Variants in PLXNC1 observed in about 807,000 individuals in gnomAD.
PLXNC1 encodes the protein plexin-C1.
Under a neutral mutation model 178.2 loss-of-function variants are expected in PLXNC1, and 75 were observed. That is an observed-to-expected ratio of 0.42 (90% CI 0.35 to 0.51). The LOEUF is 0.51. Ranked by LOEUF, PLXNC1 falls within the 20% of genes least tolerant of loss-of-function variation. The pLI is 0.02. For missense variants in PLXNC1, 1,503 were observed against 1,984.4 expected, an observed-to-expected ratio of 0.76 and a Z score of 4.61; for synonymous variants, 790 against 779.9, an observed-to-expected ratio of 1.01 and a Z score of -0.22.
Position 94,240,680 on chromosome 12 carries a change from A to C in PLXNC1, c.2300+16A>C. The C allele has an allele frequency of 6.3e-7, 1 of 1,586,562 alleles. No homozygotes were observed. Among genetic ancestry groups the C allele is most frequent in the African/African-American group, 1.4e-5 (1 of 74,054 alleles). ...CCTGGATCAGGTACTTTCTAGATTC[A>C]TAATCTTTTTCTCATTGTGGTTAAA... On this transcript the variant is annotated intron_variant, in intron 11 of 30. Coordinates refer to ENST00000258526, the MANE Select transcript of PLXNC1 (RefSeq NM_005761.3).
chr12:94,192,211 A>G (rs1962751980), intron 4 of PLXNC1, among the ~76,000 whole-genome samples: 1 of 152,234 alleles, frequency 6.6e-6, no homozygotes, highest in Admixed American at 6.5e-5. Flanking sequence ...GGCATGAGAT[A>G]GCTAGGTAGT....
At chr12:94,300,550 G>C (rs1968366555) in intron 27 of PLXNC1, among the ~76,000 whole-genome samples, 1 of 152,072 alleles carries the variant, frequency 6.6e-6, no homozygotes, top group Non-Finnish European at 1.5e-5. Flanking sequence ...GAGCAGAGGA[G>C]AGACATGGTC....
At chr12:94,187,607 C>T (rs888713017) in intron 4 of PLXNC1, among the ~76,000 whole-genome samples, 1 of 152,086 alleles carries the variant, frequency 6.6e-6, no homozygotes, top group South Asian at 2.1e-4. Context: ...TGATCACGAA[C>T]GGGATTTGTT....
At chr12:94,160,802 G>A (rs903752943) in intron 1 of PLXNC1, among the ~76,000 whole-genome samples, 1 of 152,180 alleles carries the variant, frequency 6.6e-6, no homozygotes, top group Admixed American at 6.5e-5. Context: ...CAAAATAGAT[G>A]TAATATATTA....
chr12:94,291,102 T>G (rs2136190533), intron 23 of PLXNC1, among the ~76,000 whole-genome samples: 1 of 152,338 alleles, frequency 6.6e-6, no homozygotes, highest in Non-Finnish European at 1.5e-5. Context: ...TAGGGCCACT[T>G]GACCCTGGTT....
chr12:94,306,545 A>G lies in PLXNC1; in HGVS notation c.*1260A>G, dbSNP rs762021914. 5.3e-5 allele frequency: 8 copies of G among 152,194 alleles called. No individual in the cohort carries two copies. The highest frequency in any genetic ancestry group is 1.0e-4 in the Non-Finnish European group (7 of 68,038). 9.4% of individuals were successfully genotyped at this position (152,194 alleles called of 1,614,324 possible). On this transcript the variant is annotated 3_prime_UTR_variant, in exon 31 of 31. Coordinates refer to ENST00000258526, the MANE Select transcript of PLXNC1 (RefSeq NM_005761.3). ...TGTGTTTTCCTTCTATTAAACCAGA[A>G]GAAGTAAACAGCATAATTGGCAACT...
intron 4 of PLXNC1, among the ~76,000 whole-genome samples, chr12:94,206,989 C>G (rs138042578): frequency 8.5e-5 from 13 of 152,270 alleles, no homozygotes; most frequent in Non-Finnish European, 1.2e-4. Flanking sequence ...TTCAGAGTAA[C>G]TAGCTTTGTT....
At chr12:94,254,170 G>A (rs936299146) in intron 15 of PLXNC1, among the ~76,000 whole-genome samples, 13 of 152,168 alleles carry the variant, frequency 8.5e-5, no homozygotes, top group Admixed American at 7.9e-4. Flanking sequence ...CTTAACCCAG[G>A]TCACATAGCT....
At chr12:94,265,826 T>C (rs1467053438) in intron 21 of PLXNC1, among the ~76,000 whole-genome samples, 1 of 143,134 alleles carries the variant, frequency 7.0e-6, no homozygotes, top group Admixed American at 6.8e-5. Context: ...GCTTGAGAAC[T>C]TCTTTCTAAT....
At chr12:94,204,416 G>A (rs1193630430) in intron 4 of PLXNC1, among the ~76,000 whole-genome samples, 1 of 152,166 alleles carries the variant, frequency 6.6e-6, no homozygotes, top group Non-Finnish European at 1.5e-5. Context: ...ACATCGCCTG[G>A]CATGTTAGAT....
intron 2 of PLXNC1, among the ~76,000 whole-genome samples, chr12:94,177,205 A>G (rs1962117727): frequency 8.9e-5 from 4 of 44,740 alleles, no homozygotes; most frequent in African/African-American, 2.9e-4. Flanking sequence ...ATATACGTAT[A>G]TATATATGTG....
At chr12:94,264,004 G>A (rs912003021) in intron 20 of PLXNC1, among the ~76,000 whole-genome samples, 8 of 152,084 alleles carry the variant, frequency 5.3e-5, no homozygotes, top group Non-Finnish European at 1.0e-4. Flanking sequence ...TGGACGTATC[G>A]CTTGTCAAGC....
chr12:94,235,444 A>G (rs1053557458), intron 9 of PLXNC1, among the ~76,000 whole-genome samples: 1 of 152,244 alleles, frequency 6.6e-6, no homozygotes, highest in Non-Finnish European at 1.5e-5. Context: ...TCAACAGTAT[A>G]AATATAAGAA....
chr12:94,192,387 G>C (rs1422286718), intron 4 of PLXNC1, among the ~76,000 whole-genome samples: 1 of 151,568 alleles, frequency 6.6e-6, no homozygotes, highest in African/African-American at 2.4e-5. Flanking sequence ...TCAGGATACA[G>C]TTCTTTCTTG....
intron 1 of PLXNC1, among the ~76,000 whole-genome samples, chr12:94,167,051 A>G (rs1273657745): frequency 6.6e-6 from 1 of 151,490 alleles, no homozygotes; most frequent in Non-Finnish European, 1.5e-5. Context: ...ACTTACTTTG[A>G]AAAAAAAACT....
intron 30 of PLXNC1, chr12:94,304,290 G>T: frequency 2.6e-6 from 1 of 382,328 alleles, no homozygotes; most frequent in East Asian, 4.1e-5. Flanking sequence ...GAGTTCATGG[G>T]GCCTACAGCC....
At chr12:94,270,976 C>G (rs972453672) in intron 21 of PLXNC1, among the ~76,000 whole-genome samples, 1 of 152,094 alleles carries the variant, frequency 6.6e-6, no homozygotes, top group African/African-American at 2.4e-5. Flanking sequence ...GCTGCTGACT[C>G]TGGCTTGGAA....
rs765162270 is a variant in PLXNC1, at chr12:94,169,243, A to G, written c.1153A>G (p.Met385Val). The change falls in exon 2 of 31, where the codon ATG (methionine) becomes GTG (valine). Residue 385 changes from methionine to valine, a missense_variant. Met to Val is a conservative substitution (Grantham distance 21, BLOSUM62 1). Transcript: ENST00000258526. ...GACATCCGTTTATGGCACCGTGGTAATGAACAGGACTGTTTTATTCTTGGG... is the reference window on the plus strand; with the variant it reads ...GACATCCGTTTATGGCACCGTGGTAGTGAACAGGACTGTTTTATTCTTGGG... The part of the protein sequence containing the change: ...DLTSVYGTVV[M>V]NRTVLFLGTG... 8 of 1,614,078 alleles carry G rather than the reference A, an allele frequency of 5.0e-6. No individual in the cohort carries two copies. The highest frequency in any genetic ancestry group is 6.8e-6 in the Non-Finnish European group (8 of 1,179,958).
At chr12:94,296,000 C>T (rs547496343) in intron 24 of PLXNC1, among the ~76,000 whole-genome samples, 12 of 152,282 alleles carry the variant, frequency 7.9e-5, no homozygotes, top group Admixed American at 7.8e-4. Context: ...GTAGGCTGAC[C>T]TTCTTCCATT....
Sources: gnomAD v4.1 joint callset for allele counts (sites outside exome capture counted in the v4.1 genomes callset) on GRCh38, gnomAD v4.1.1 for gene constraint, MANE v1.5 for transcripts, NCBI Gene and HGNC (gene_info 2026-07-23, HGNC 2026-07-21) for gene names.